Variants in MTUS1 observed in about 807,000 individuals in gnomAD.
The protein encoded by MTUS1 is microtubule-associated tumor suppressor 1.
In MTUS1, 109 loss-of-function variants were observed where a neutral mutation model predicts 120.8. The ratio of observed to expected loss-of-function variants is 0.90; its 90% CI spans 0.77 to 1.06. The LOEUF is 1.06. MTUS1 is among the 50% of genes least tolerant of loss of function. The pLI is 0.00. For missense variants in MTUS1, 2,210 were observed against 1,486.3 expected (o/e 1.49, Z -8.01); for synonymous variants, 737 against 550.5 (o/e 1.34, Z -4.74).
intron 13 of MTUS1, 47 bp downstream of exon 13, chr8:17,649,799 A>G (rs372823775): frequency 1.4e-5 from 15 of 1,052,348 alleles, no homozygotes; most frequent in African/African-American, 1.1e-4. Context: ...AATTTCACAC[A>G]TATTACCCCA....
intron 6 of MTUS1, among the ~76,000 whole-genome samples, chr8:17,704,710 G>A (rs868566809): frequency 1.3e-5 from 2 of 152,282 alleles, no homozygotes; most frequent in Non-Finnish European, 2.9e-5. Flanking sequence ...GATGCCTCCA[G>A]CTTTGTTCTT....
intron 7 of MTUS1, among the ~76,000 whole-genome samples, chr8:17,678,604 G>A (rs928983757): frequency 6.6e-6 from 1 of 152,094 alleles, no homozygotes; most frequent in African/African-American, 2.4e-5. Context: ...GCTCAGACGT[G>A]TGCTGCATCT....
At position 17,754,915 on chromosome 8, in the gene MTUS1, C is replaced by A. The variant is rs1283159950; in HGVS notation, c.893G>T (p.Gly298Val). Residue 298 changes from glycine to valine, a missense_variant, in exon 2 of 15, where the codon GGC becomes GTC. Gly to Val is a moderately radical substitution (Grantham distance 109). Coordinates refer to ENST00000693296, the MANE Select transcript of MTUS1 (RefSeq NM_001363059.2). ...TGCAGAATCATTGGGGACTTCCATGCCATCAGAAACTGGTGTTAGTGCTTG... is the reference window on the plus strand; with the variant it reads ...TGCAGAATCATTGGGGACTTCCATGACATCAGAAACTGGTGTTAGTGCTTG... ...ETQALTPVSDGMEVPNDSALQ... is the reference protein window; with the variant it reads ...ETQALTPVSDVMEVPNDSALQ... The A allele has an allele frequency of 6.2e-7, 1 of 1,614,080 alleles. No homozygotes were observed. Among genetic ancestry groups the A allele is most frequent in the African/African-American group, 1.3e-5 (1 of 74,932 alleles).
intron 1 of MTUS1, among the ~76,000 whole-genome samples, chr8:17,796,459 C>T (rs2052250159): frequency 6.6e-6 from 1 of 152,170 alleles, no homozygotes; most frequent in Admixed American, 6.5e-5. Context: ...CCAAGTTCGA[C>T]CTTGTTCACA....
chr8:17,705,268 G>A (rs1466901266), intron 6 of MTUS1, among the ~76,000 whole-genome samples: 1 of 152,212 alleles, frequency 6.6e-6, no homozygotes, highest in Non-Finnish European at 1.5e-5. Context: ...ACAGGCGTGA[G>A]CCACCATGCA....
At chr8:17,748,727 T>C (rs1241696173) in intron 2 of MTUS1, among the ~76,000 whole-genome samples, 1 of 149,216 alleles carries the variant, frequency 6.7e-6, no homozygotes, top group Non-Finnish European at 1.5e-5. Flanking sequence ...AGGTTGAGCA[T>C]GGCGGGCTGA....
intron 6 of MTUS1, chr8:17,693,319 C>G (rs145681925): frequency 6.6e-6 from 1 of 152,328 alleles, no homozygotes; most frequent in East Asian, 1.9e-4. Context: ...TGTCCTGCAA[C>G]ATCACGCACA....
chr8:17,702,079 G>A (rs551027083), intron 6 of MTUS1, among the ~76,000 whole-genome samples: 75 of 152,118 alleles, frequency 4.9e-4, no homozygotes, highest in Admixed American at 1.2e-3. Flanking sequence ...TTCCCCCATT[G>A]TAAACAATTC....
rs139941748 is a variant in MTUS1 at position 17,683,661 on chromosome 8, A to C, written c.2838+667T>G. ...AAAACTGTGATTTAAAAAATGTCTG[A>C]AGAGCTCAAGTTGTATTCTTATCAG... On this transcript the variant is annotated intron_variant, in intron 7 of 14. Transcript: ENST00000693296. Among the ~76,000 whole-genome samples, 1,081 of 152,272 alleles carry C rather than the reference A, an allele frequency of 7.1e-3. 3 individuals are homozygous for C. Among genetic ancestry groups the C allele is most frequent in the Non-Finnish European group, 0.011 (767 of 68,022 alleles).
chr8:17,798,288 T>C (rs1362963385), intron 1 of MTUS1, among the ~76,000 whole-genome samples: 2 of 152,162 alleles, frequency 1.3e-5, no homozygotes, highest in Admixed American at 6.6e-5. Context: ...ACCCAAGATA[T>C]GGAAGTTCTT....
At chr8:17,801,304 C>T (rs943657403), upstream of MTUS1, 1 of 151,870 alleles carries the variant, frequency 6.6e-6, no homozygotes, top group Non-Finnish European at 1.5e-5. Flanking sequence ...GCGGGGAGTT[C>T]GGGAAACTTG....
At position 17,723,396 on chromosome 8, in the gene MTUS1, C is replaced by T. The variant is rs2045972686; in HGVS notation, c.2449+276G>A. On this transcript the variant is annotated intron_variant, in intron 4 of 14. Coordinates refer to ENST00000693296, the MANE Select transcript of MTUS1 (RefSeq NM_001363059.2). Reference sequence around the variant, plus strand: ...TCTGATTCCAGTTAGAGTCCAAATCCCCTGGGTTGCTACTCTTAAACCTCC... The same window carrying T: ...TCTGATTCCAGTTAGAGTCCAAATCTCCTGGGTTGCTACTCTTAAACCTCC... 6.3e-6 allele frequency: 3 copies of T among 473,946 alleles called. 1 individual carries two copies. The highest frequency in any genetic ancestry group is 4.5e-5 in the South Asian group (2 of 44,050). The allele number at this position is 473,946 out of a possible 1,614,324, so 29.4% of individuals were successfully genotyped here.
chr8:17,738,760 T>C (rs986163889), intron 3 of MTUS1, among the ~76,000 whole-genome samples: 1 of 152,136 alleles, frequency 6.6e-6, no homozygotes, highest in Non-Finnish European at 1.5e-5. Context: ...AGAGTTAACA[T>C]CAAGCTTTAA....
rs767712618 is a variant in MTUS1 at position 17,647,049 on chromosome 8, A to G, written c.3532T>C (p.Leu1178=). Residue 1178 remains leucine (L), a synonymous_variant, in exon 14 of 15, where the codon TTG becomes CTG. Coordinates refer to ENST00000693296, the MANE Select transcript of MTUS1 (RefSeq NM_001363059.2). ...TCATTCTCCTGCTGGAAACGCTTCAATTTGTCAACCAATGCTGTGTTGTTG... is the reference window on the plus strand; with the variant it reads ...TCATTCTCCTGCTGGAAACGCTTCAGTTTGTCAACCAATGCTGTGTTGTTG... ...VDNNTALVDK[L]KRFQQENEEL... 1.9e-6 allele frequency: 3 copies of G among 1,613,942 alleles called. No individual in the cohort carries two copies. The highest frequency in any genetic ancestry group is 2.5e-6 in the Non-Finnish European group (3 of 1,179,958).
At chr8:17,801,239 G>C (rs2052658926), upstream of MTUS1, 1 of 151,132 alleles carries the variant, frequency 6.6e-6, no homozygotes, top group Non-Finnish European at 1.5e-5. Context: ...GGCGGGACCC[G>C]GAGCCCCGGC....
intron 6 of MTUS1, chr8:17,697,784 T>C (rs550752805): frequency 2.1e-6 from 2 of 964,538 alleles, no homozygotes; most frequent in East Asian, 1.1e-4. Flanking sequence ...CTGTAACCAC[T>C]TGAAAGATCG....
rs552092788 is a variant in MTUS1, at chr8:17,747,438, T to A, written c.2092-3639A>T. On this transcript the variant is annotated intron_variant, in intron 2 of 14. Coordinates refer to ENST00000693296, the MANE Select transcript of MTUS1 (RefSeq NM_001363059.2). ...CACACTCCCAACTTAGCAATCAACATACCCTTGCCTGTTTACTGTATTGAT... is the reference window on the plus strand; with the variant it reads ...CACACTCCCAACTTAGCAATCAACAAACCCTTGCCTGTTTACTGTATTGAT... Among the ~76,000 whole-genome samples the A allele has an allele frequency of 2.0e-5, 3 of 152,198 alleles. No homozygotes were observed. The East Asian group carries it at 5.8e-4, about 29-fold the overall frequency.
intron 9 of MTUS1, among the ~76,000 whole-genome samples, chr8:17,655,252 G>GA (rs36027271): frequency 0.54 from 74,404 of 138,694 alleles, 20,763 homozygotes; most frequent in Middle Eastern, 0.68. Context: ...TTTATTCAGT[G>GA]AAAAAAAAAA....
intron 7 of MTUS1, among the ~76,000 whole-genome samples, chr8:17,678,986 G>A (rs946636264): frequency 5.9e-5 from 9 of 152,228 alleles, no homozygotes; most frequent in East Asian, 3.9e-4. Context: ...TGTCTTCTGC[G>A]AAACAGAGTG....
Sources: gnomAD v4.1 joint callset for allele counts (sites outside exome capture counted in the v4.1 genomes callset) on GRCh38, gnomAD v4.1.1 for gene constraint, MANE v1.5 for transcripts, NCBI Gene and HGNC (gene_info 2026-07-23, HGNC 2026-07-21) for gene names.